The following CDKAL1 variants were observed in gnomAD, a reference collection of about 807,000 sequenced individuals.
The protein encoded by CDKAL1 is threonylcarbamoyladenosine tRNA methylthiotransferase.
A neutral mutation model predicts 68.2 loss-of-function variants in CDKAL1; 32 were observed. The ratio of observed to expected loss-of-function variants is 0.47; its 90% confidence interval spans 0.35 to 0.63. CDKAL1 has a LOEUF of 0.63. CDKAL1 is among the 30% of genes least tolerant of loss of function. The probability of loss-of-function intolerance (pLI) is 0.00; values close to 1 mark genes in which losing one functional copy is unlikely to be tolerated. For synonymous variants in CDKAL1, 234 were observed against 244.3 expected, an observed-to-expected ratio of 0.96 and a Z score of 0.39; for missense variants, 606 against 696.7, an observed-to-expected ratio of 0.87 and a Z score of 1.47.
At chr6:20,711,716 A>AC (rs1049193918) in intron 5 of CDKAL1, among the ~76,000 whole-genome samples, 1 of 152,214 alleles carries the variant, frequency 6.6e-6, no homozygotes, top group Non-Finnish European at 1.5e-5. Context: ...CTTCTGCAAC[A>AC]CAGGAGTATT....
At chr6:20,634,438 A>ATTTTTT (rs1245252070) in intron 4 of CDKAL1, among the ~76,000 whole-genome samples, 1 of 152,218 alleles carries the variant, frequency 6.6e-6, no homozygotes, top group East Asian at 1.9e-4. Context: ...ATATGTACAG[A>ATTTTTT]TTATCTATGA....
chr6:21,205,830 C>CTTTTTTTTTTTTTTTTT lies in CDKAL1; in HGVS notation c.1548+4562_1548+4578dup, dbSNP rs34849597. 4.4e-4 allele frequency among the ~76,000 whole-genome samples: 29 copies of CTTTTTTTTTTTTTTTTT among 66,604 alleles called. 1 individual carries two copies. Among genetic ancestry groups the CTTTTTTTTTTTTTTTTT allele is most frequent in the African/African-American group, 2.0e-3 (23 of 11,512 alleles). 43.7% of individuals were successfully genotyped at this position (66,604 alleles called of 152,430 possible). A position where few individuals can be genotyped will look rare whatever the true frequency, so the allele number is the denominator to read the frequency against. ...ACATGCGTGAGCCCCCGCGCCCAGC[C>CTTTTTTTTTTTTTTTTT]TTTTTTTTTTTTTTTTTTTTTTGAG... On this transcript the variant is annotated intron_variant, in intron 15 of 15. Transcript: ENST00000274695.
intron 9 of CDKAL1, among the ~76,000 whole-genome samples, chr6:20,904,096 A>G (rs1190522918): frequency 6.6e-6 from 1 of 152,184 alleles, no homozygotes; most frequent in East Asian, 1.9e-4. Context: ...CACAATAAGG[A>G]TCCAGATATT....
Position 20,613,087 on chromosome 6 carries a change from T to C in CDKAL1, c.287-36206T>C, listed in dbSNP as rs186290663. Among the ~76,000 whole-genome samples, 22 of 150,894 alleles carry C rather than the reference T, an allele frequency of 1.5e-4. No individual in the cohort carries two copies. The South Asian group carries it at 1.5e-3, about 10-fold the overall frequency. On this transcript the variant is annotated intron_variant, in intron 4 of 15. Coordinates refer to ENST00000274695, the MANE Select transcript of CDKAL1 (RefSeq NM_017774.3). Reference sequence around the variant, plus strand: ...AAGAATAAATGTACACACACACACATATATATATACATACATAATGTTTTT... The same window carrying C: ...AAGAATAAATGTACACACACACACACATATATATACATACATAATGTTTTT...
intron 11 of CDKAL1, among the ~76,000 whole-genome samples, chr6:21,045,938 T>C (rs1223151062): frequency 1.3e-5 from 2 of 152,184 alleles, no homozygotes; most frequent in Non-Finnish European, 2.9e-5. Flanking sequence ...CTATTTAACA[T>C]TCACTGCCCT....
rs569826110 is a variant in CDKAL1, at chr6:20,871,297, A to T, written c.742+25119A>T. Among the ~76,000 whole-genome samples the T allele has an allele frequency of 5.3e-5, 8 of 152,324 alleles. No individual in the cohort carries two copies. The South Asian group carries it at 1.7e-3, about 32-fold the overall frequency. ...TGCAGCTGTGTGTCTAATAATTACC[A>T]TAATTTCAAAGTATTGTATATTTCA... On this transcript the variant is annotated intron_variant, in intron 9 of 15. Transcript: ENST00000274695.
chr6:21,157,040 A>T (rs1245995026), intron 13 of CDKAL1, among the ~76,000 whole-genome samples: 2 of 152,102 alleles, frequency 1.3e-5, no homozygotes, highest in Non-Finnish European at 2.9e-5. Context: ...TTCTACTGTG[A>T]TGCTTAGAGA....
At chr6:21,115,958 T>TA (rs2151001702) in intron 13 of CDKAL1, among the ~76,000 whole-genome samples, 1 of 147,004 alleles carries the variant, frequency 6.8e-6, no homozygotes, top group African/African-American at 2.5e-5. Flanking sequence ...CAGCAGAGGG[T>TA]AACCCTAGCC....
chr6:21,011,106 C>T (rs574781700), intron 11 of CDKAL1, among the ~76,000 whole-genome samples: 4 of 144,472 alleles, frequency 2.8e-5, no homozygotes, highest in African/African-American at 7.7e-5. Context: ...AAGCCAGGCA[C>T]GGTGGCTTAC....
intron 13 of CDKAL1, among the ~76,000 whole-genome samples, chr6:21,182,263 C>G (rs568765501): frequency 6.6e-6 from 1 of 152,238 alleles, no homozygotes; most frequent in Admixed American, 6.5e-5. Flanking sequence ...TGATTTATTT[C>G]AGTTTAGCAA....
At chr6:20,634,291 CAATTG>C (rs2127744325) in intron 4 of CDKAL1, among the ~76,000 whole-genome samples, 1 of 152,250 alleles carries the variant, frequency 6.6e-6, no homozygotes, top group African/African-American at 2.4e-5. Context: ...TTTATGGATA[CAATTG>C]AATTTTTTGA....
At chr6:20,921,131 TA>T (rs1271554172) in intron 9 of CDKAL1, among the ~76,000 whole-genome samples, 1 of 152,064 alleles carries the variant, frequency 6.6e-6, no homozygotes. Context: ...CACCTGTCTT[TA>T]AAAAAAATAA....
At chr6:20,930,718 A>G (rs938886613) in intron 9 of CDKAL1, among the ~76,000 whole-genome samples, 5 of 151,086 alleles carry the variant, frequency 3.3e-5, no homozygotes, top group Non-Finnish European at 7.4e-5. Flanking sequence ...TGTTTACATT[A>G]ACTTTATGAG....
At chr6:21,159,596 G>C (rs527650434) in intron 13 of CDKAL1, among the ~76,000 whole-genome samples, 10 of 152,242 alleles carry the variant, frequency 6.6e-5, no homozygotes, top group Non-Finnish European at 1.3e-4. Flanking sequence ...GCCTATGGTA[G>C]ATGCTCAGTG....
intron 4 of CDKAL1, among the ~76,000 whole-genome samples, chr6:20,579,514 C>T (rs1013872921): frequency 2.0e-5 from 3 of 152,102 alleles, no homozygotes; most frequent in African/African-American, 7.2e-5. Flanking sequence ...AGTTCATTGT[C>T]CTAATTGCTT....
At chr6:20,919,912 C>T (rs536541088) in intron 9 of CDKAL1, among the ~76,000 whole-genome samples, 11 of 152,130 alleles carry the variant, frequency 7.2e-5, no homozygotes, top group Non-Finnish European at 1.2e-4. Context: ...AGAGGCTCTG[C>T]TTAGATTCCA....
intron 13 of CDKAL1, among the ~76,000 whole-genome samples, chr6:21,160,284 G>C (rs1056137223): frequency 6.6e-6 from 1 of 151,868 alleles, no homozygotes; most frequent in African/African-American, 2.4e-5. Context: ...GGGAAATAAA[G>C]ATTTTCTTTT....
At chr6:20,836,845 A>T (rs1777971147) in intron 8 of CDKAL1, among the ~76,000 whole-genome samples, 1 of 152,116 alleles carries the variant, frequency 6.6e-6, no homozygotes, top group Admixed American at 6.6e-5. Flanking sequence ...AGAGGCACTA[A>T]ACCACTGTGC....
chr6:20,759,577 T>C (rs929818671), intron 7 of CDKAL1, among the ~76,000 whole-genome samples: 3 of 152,204 alleles, frequency 2.0e-5, no homozygotes, highest in African/African-American at 7.2e-5. Flanking sequence ...ATTTTTTATT[T>C]GTACATTTTG....
Sources: gnomAD v4.1 joint callset for allele counts (sites outside exome capture counted in the v4.1 genomes callset) on GRCh38, gnomAD v4.1.1 for gene constraint, MANE v1.5 for transcripts, NCBI Gene and HGNC (gene_info 2026-07-23, HGNC 2026-07-21) for gene names.